The following CNTNAP5 variants were observed in gnomAD, a reference collection of about 807,000 sequenced individuals.
CNTNAP5 encodes contactin associated protein family member 5, also known as contactin-associated protein-like 5.
A neutral mutation model predicts 150.2 loss-of-function variants in CNTNAP5; 72 were observed. The observed-to-expected ratio is 0.48, with a 90% confidence interval of 0.40 to 0.58. CNTNAP5 has a LOEUF of 0.58. Among genes scored for constraint, CNTNAP5 ranks in the 20% least tolerant of loss-of-function variants. The pLI is 0.00. For synonymous variants in CNTNAP5, 672 were observed against 619.8 expected (o/e 1.08, Z -1.25); for missense variants, 1,636 against 1,626.2 (o/e 1.01, Z -0.10).
intron 10 of CNTNAP5, among the ~76,000 whole-genome samples, chr2:124,528,925 A>C (rs1174888719): frequency 6.6e-6 from 1 of 152,222 alleles, no homozygotes; most frequent in East Asian, 1.9e-4. Flanking sequence ...GAAATCAGCC[A>C]TGCAGTGCAT....
At chr2:124,706,812 G>GGA (rs1679659032) in intron 13 of CNTNAP5, among the ~76,000 whole-genome samples, 1 of 11,736 alleles carries the variant, frequency 8.5e-5, no homozygotes, top group Non-Finnish European at 1.8e-4. Flanking sequence ...AGGAGGAGGA[G>GGA]GAGGAGGAGG....
chr2:124,424,750 A>T (rs1057264844), intron 4 of CNTNAP5, among the ~76,000 whole-genome samples: 1 of 152,168 alleles, frequency 6.6e-6, no homozygotes, highest in Non-Finnish European at 1.5e-5. Flanking sequence ...TAGGCTTCAG[A>T]GATACAAAAA....
intron 3 of CNTNAP5, among the ~76,000 whole-genome samples, chr2:124,378,764 G>A (rs1250494530): frequency 2.6e-5 from 4 of 152,024 alleles, no homozygotes; most frequent in African/African-American, 9.7e-5. Context: ...ATCTATTCTT[G>A]TTGGATGATG....
intron 21 of CNTNAP5, among the ~76,000 whole-genome samples, chr2:124,893,374 A>C (rs1333856015): frequency 2.0e-5 from 3 of 152,168 alleles, no homozygotes; most frequent in Admixed American, 1.3e-4. Context: ...TACTCAGTAC[A>C]GCAGGATGGT....
intron 3 of CNTNAP5, among the ~76,000 whole-genome samples, chr2:124,305,607 C>T (rs1233140625): frequency 6.6e-6 from 1 of 152,058 alleles, no homozygotes; most frequent in Non-Finnish European, 1.5e-5. Context: ...AAAGAGAATT[C>T]CTAGTAAGAG....
chr2:124,755,972 AT>A (rs1213528432), intron 14 of CNTNAP5, among the ~76,000 whole-genome samples: 3 of 152,094 alleles, frequency 2.0e-5, no homozygotes, highest in Non-Finnish European at 4.4e-5. Context: ...TTTCTAATTT[AT>A]TTTTTAAAAG....
chr2:124,466,693 G>A (rs1482744372), intron 6 of CNTNAP5, among the ~76,000 whole-genome samples: 1 of 152,110 alleles, frequency 6.6e-6, no homozygotes, highest in Non-Finnish European at 1.5e-5. Context: ...GATTTTGTTC[G>A]GAAAGTCTGT....
chr2:124,900,590 G>A (rs749283059), intron 21 of CNTNAP5, among the ~76,000 whole-genome samples: 16 of 151,314 alleles, frequency 1.1e-4, no homozygotes, highest in Non-Finnish European at 1.5e-4. Flanking sequence ...CATTTCCCCC[G>A]ACTTATCAAT....
intron 4 of CNTNAP5, among the ~76,000 whole-genome samples, chr2:124,431,527 ATAAAATTTCTT>A (rs1558899190): frequency 2.1e-5 from 3 of 145,920 alleles, no homozygotes; most frequent in African/African-American, 7.5e-5. Flanking sequence ...ATATATATAT[ATAAAATTTCTT>A]TATATAAATA....
At chr2:124,725,120 A>C (rs1486130663) in intron 13 of CNTNAP5, among the ~76,000 whole-genome samples, 3 of 151,936 alleles carry the variant, frequency 2.0e-5, no homozygotes, top group African/African-American at 7.3e-5. Flanking sequence ...TTAAAAAATC[A>C]TTTACTTCTC....
intron 1 of CNTNAP5, among the ~76,000 whole-genome samples, chr2:124,053,747 C>T (rs1304803211): frequency 6.6e-6 from 1 of 152,204 alleles, no homozygotes; most frequent in Non-Finnish European, 1.5e-5. Context: ...CTCAGTGTTA[C>T]TCTGCTATGC....
At chr2:124,765,539 C>T (rs1177063593) in intron 16 of CNTNAP5, among the ~76,000 whole-genome samples, 1 of 151,764 alleles carries the variant, frequency 6.6e-6, no homozygotes, top group African/African-American at 2.4e-5. Context: ...ATTAACTTTC[C>T]CTCAGAATAT....
intron 19 of CNTNAP5, among the ~76,000 whole-genome samples, chr2:124,805,796 T>G (rs1375595479): frequency 2.0e-5 from 3 of 152,180 alleles, no homozygotes; most frequent in Non-Finnish European, 4.4e-5. Context: ...GACCCTGCCT[T>G]TGTGTTGGCC....
intron 3 of CNTNAP5, among the ~76,000 whole-genome samples, chr2:124,345,966 CAT>C (rs1268635627): frequency 6.6e-6 from 1 of 152,172 alleles, no homozygotes; most frequent in South Asian, 2.1e-4. Flanking sequence ...AAGTTACAAA[CAT>C]GTGAATCTAA....
intron 4 of CNTNAP5, among the ~76,000 whole-genome samples, chr2:124,420,857 A>G (rs1283275766): frequency 9.9e-5 from 15 of 152,114 alleles, no homozygotes; most frequent in Non-Finnish European, 1.9e-4. Flanking sequence ...TAATATATAT[A>G]AGTATCTACT....
chr2:124,519,546 C>T lies in CNTNAP5; in HGVS notation c.1328-4757C>T, dbSNP rs74475418. Among the ~76,000 whole-genome samples the T allele has an allele frequency of 7.9e-5, 12 of 152,314 alleles. 1 individual carries two copies. In the East Asian group the frequency reaches 2.3e-3, roughly 29 times the overall value. On this transcript the variant is annotated intron_variant, in intron 8 of 23. Coordinates refer to ENST00000682447, the MANE Select transcript of CNTNAP5 (RefSeq NM_001367498.1). ...ACTTCCCTTTGAACGCTGGCTCTGCCTCTGAGCAGCCATGGGGCCCTGTGC... is the reference window on the plus strand; with the variant it reads ...ACTTCCCTTTGAACGCTGGCTCTGCTTCTGAGCAGCCATGGGGCCCTGTGC...
intron 11 of CNTNAP5, among the ~76,000 whole-genome samples, chr2:124,604,659 C>T (rs1320647136): frequency 6.6e-6 from 1 of 152,190 alleles, no homozygotes; most frequent in South Asian, 2.1e-4. Flanking sequence ...TTAGATTAAC[C>T]ACCTACAAGC....
chr2:124,216,200 A>T (rs2104732531), intron 1 of CNTNAP5, among the ~76,000 whole-genome samples: 1 of 152,280 alleles, frequency 6.6e-6, no homozygotes, highest in African/African-American at 2.4e-5. Flanking sequence ...ACAGAAGTAG[A>T]TTTTTATCTG....
intron 10 of CNTNAP5, among the ~76,000 whole-genome samples, chr2:124,547,779 A>C (rs1695547144): frequency 6.6e-6 from 1 of 152,188 alleles, no homozygotes; most frequent in African/African-American, 2.4e-5. Flanking sequence ...ATTGGCCGCC[A>C]CAATTCCTGC....
Sources: gnomAD v4.1 joint callset for allele counts (sites outside exome capture counted in the v4.1 genomes callset) on GRCh38, gnomAD v4.1.1 for gene constraint, MANE v1.5 for transcripts, NCBI Gene and HGNC (gene_info 2026-07-23, HGNC 2026-07-21) for gene names.